The following PACRG variants were observed in gnomAD, a reference collection of about 807,000 sequenced individuals.
PACRG encodes parkin coregulated, also known as parkin coregulated gene protein.
A neutral mutation model predicts 29.7 loss-of-function variants in PACRG; 29 were observed. The ratio of observed to expected loss-of-function variants is 0.98; its 90% CI spans 0.73 to 1.33. The LOEUF is 1.33. Among genes scored for constraint, PACRG ranks in the 40% most tolerant of loss-of-function variants. PACRG has a pLI of 0.00. For synonymous variants in PACRG, 116 were observed against 118.7 expected (o/e 0.98, Z 0.15); for missense variants, 279 against 316.2 (o/e 0.88, Z 0.89).
At chr6:163,262,704 A>C (rs113520133) in intron 4 of PACRG, among the ~76,000 whole-genome samples, 3,659 of 152,132 alleles carry the variant, frequency 0.024, 145 homozygotes, top group African/African-American at 0.085. Flanking sequence ...CTCTGACTTC[A>C]TCACATTTTT....
At chr6:162,753,398 TCCACA>T (rs1488598973) in intron 1 of PACRG, among the ~76,000 whole-genome samples, 1 of 152,218 alleles carries the variant, frequency 6.6e-6, no homozygotes. Flanking sequence ...CATAGTGTCC[TCCACA>T]TTCATCCATG....
At chr6:162,952,514 G>GTT (rs1799728132) in intron 2 of PACRG, among the ~76,000 whole-genome samples, 4 of 152,196 alleles carry the variant, frequency 2.6e-5, no homozygotes, top group Non-Finnish European at 5.9e-5. Flanking sequence ...CCAGCCTCAA[G>GTT]TCTAAATTAA....
At chr6:163,189,597 T>C (rs1045217022) in intron 4 of PACRG, 1 of 152,250 alleles carries the variant, frequency 6.6e-6, no homozygotes, top group African/African-American at 2.4e-5. Context: ...GTTTCTCCCG[T>C]GTTCTCTTCC....
intron 2 of PACRG, among the ~76,000 whole-genome samples, chr6:162,947,611 C>T (rs12204219): frequency 0.052 from 1,445 of 27,910 alleles, 147 homozygotes; most frequent in East Asian, 0.087. Context: ...TATATATAAT[C>T]ATATATATAT....
chr6:163,095,908 C>G (rs1443428457), intron 4 of PACRG, among the ~76,000 whole-genome samples: 1 of 152,180 alleles, frequency 6.6e-6, no homozygotes, highest in Non-Finnish European at 1.5e-5. Context: ...TGATATACCT[C>G]TTTCCTACAG....
intron 2 of PACRG, among the ~76,000 whole-genome samples, chr6:163,041,092 C>A (rs1049901357): frequency 6.6e-6 from 1 of 152,240 alleles, no homozygotes; most frequent in Non-Finnish European, 1.5e-5. Context: ...AATCCCAGCA[C>A]TTTGAGAGGC....
chr6:163,040,546 G>A (rs1159246739), intron 2 of PACRG, among the ~76,000 whole-genome samples: 6 of 152,246 alleles, frequency 3.9e-5, no homozygotes, highest in South Asian at 2.1e-4. Flanking sequence ...AGGCCAGCCC[G>A]TGAAAGCAGA....
intron 1 of PACRG, among the ~76,000 whole-genome samples, chr6:162,809,116 T>G (rs1786611799): frequency 6.6e-6 from 1 of 152,114 alleles, no homozygotes; most frequent in African/African-American, 2.4e-5. Flanking sequence ...TGGTTACACA[T>G]GTCATATGTA....
At chr6:162,751,043 TAAGG>T (rs1055062371) in intron 1 of PACRG, among the ~76,000 whole-genome samples, 1 of 152,168 alleles carries the variant, frequency 6.6e-6, no homozygotes, top group African/African-American at 2.4e-5. Context: ...CTTAATTCAA[TAAGG>T]AAGAGTCCTT....
intron 2 of PACRG, among the ~76,000 whole-genome samples, chr6:163,051,099 C>G (rs1289431682): frequency 6.6e-6 from 1 of 152,170 alleles, no homozygotes; most frequent in East Asian, 1.9e-4. Flanking sequence ...ATTCTCTTTT[C>G]ATTTGTGGTG....
intron 1 of PACRG, among the ~76,000 whole-genome samples, chr6:162,758,265 T>C (rs994450698): frequency 6.6e-6 from 1 of 152,178 alleles, no homozygotes; most frequent in African/African-American, 2.4e-5. Context: ...TGTGTAATTT[T>C]TATAGACTTT....
At chr6:163,273,996 A>G (rs2128181272) in intron 4 of PACRG, among the ~76,000 whole-genome samples, 1 of 152,238 alleles carries the variant, frequency 6.6e-6, no homozygotes, top group South Asian at 2.1e-4. Context: ...TCTGATATGC[A>G]GTATCTTTAT....
At chr6:163,020,597 G>A (rs549752220) in intron 2 of PACRG, among the ~76,000 whole-genome samples, 4 of 152,178 alleles carry the variant, frequency 2.6e-5, no homozygotes, top group South Asian at 2.1e-4. Flanking sequence ...AGCAGCGTTC[G>A]CATCATGGTG....
intron 4 of PACRG, among the ~76,000 whole-genome samples, chr6:163,255,328 A>G (rs1320987328): frequency 6.6e-6 from 1 of 152,186 alleles, no homozygotes; most frequent in South Asian, 2.1e-4. Context: ...AGGGTACTGC[A>G]AGGATTTCCA....
chr6:163,181,017 A>T (rs1779629270), intron 4 of PACRG, among the ~76,000 whole-genome samples: 1 of 152,172 alleles, frequency 6.6e-6, no homozygotes, highest in Non-Finnish European at 1.5e-5. Flanking sequence ...AGATAGGTCA[A>T]CCTCAGCCTG....
intron 2 of PACRG, among the ~76,000 whole-genome samples, chr6:162,938,925 G>T (rs1798424257): frequency 6.6e-6 from 1 of 152,208 alleles, no homozygotes; most frequent in African/African-American, 2.4e-5. Context: ...TGTATAGATT[G>T]TGAGGATTTT....
intron 2 of PACRG, among the ~76,000 whole-genome samples, chr6:162,912,738 A>G (rs1396220398): frequency 1.3e-5 from 2 of 151,392 alleles, no homozygotes; most frequent in African/African-American, 4.9e-5. Flanking sequence ...CATTCATCTA[A>G]TTTTTGTCTT....
chr6:162,844,529 G>A (rs144928732), intron 2 of PACRG, among the ~76,000 whole-genome samples: 6 of 152,306 alleles, frequency 3.9e-5, no homozygotes, highest in Admixed American at 6.5e-5. Flanking sequence ...CGGTACCTCC[G>A]ATGGAAATGC....
intron 4 of PACRG, among the ~76,000 whole-genome samples, chr6:163,278,301 G>A (rs1221339288): frequency 6.6e-6 from 1 of 152,098 alleles, no homozygotes; most frequent in East Asian, 1.9e-4. Context: ...TGTTAACTCT[G>A]CTGGTTCTTT....
Sources: gnomAD v4.1 joint callset for allele counts (sites outside exome capture counted in the v4.1 genomes callset) on GRCh38, gnomAD v4.1.1 for gene constraint, MANE v1.5 for transcripts, NCBI Gene and HGNC (gene_info 2026-07-23, HGNC 2026-07-21) for gene names.